Variants in VPS72 observed in about 807,000 individuals in gnomAD.
VPS72 encodes vacuolar protein sorting-associated protein 72 homolog.
In VPS72, 27 loss-of-function variants were observed where a neutral mutation model predicts 38.9. The ratio of observed to expected loss-of-function variants is 0.69; its 90% CI spans 0.51 to 0.96. The LOEUF is 0.96. VPS72 is among the 40% of genes least tolerant of loss of function. VPS72 has a pLI of 0.00. For missense variants in VPS72, 360 were observed against 479.5 expected, an observed-to-expected ratio of 0.75 and a Z score of 2.33; for synonymous variants, 173 against 186.3, an observed-to-expected ratio of 0.93 and a Z score of 0.58.
Position 151,181,246 on chromosome 1 carries a change from C to CTTT in VPS72, c.562+3068_562+3070dup, listed in dbSNP as rs60085121. ...CAACCTTCTTTTCCATGTCACTTTA[C>CTTT]TTTTTTTTTTTTTTTGAGTCTCACT... is the stretch of plus-strand genomic sequence containing the variant. On this transcript the variant is annotated intron_variant, in intron 4 of 5. Coordinates refer to ENST00000368892, the MANE Select transcript of VPS72 (RefSeq NM_005997.3). 4.4e-4 allele frequency among the ~76,000 whole-genome samples: 60 copies of CTTT among 136,014 alleles called. 1 individual carries two copies. The highest frequency in any genetic ancestry group is 7.8e-4 in the Non-Finnish European group (50 of 64,360). 89.2% of individuals were successfully genotyped at this position (136,014 alleles called of 152,430 possible). A position where few individuals can be genotyped will look rare whatever the true frequency, so the allele number is the denominator to read the frequency against.
chr1:151,188,880 G>T (rs373919843), intron 1 of VPS72, among the ~76,000 whole-genome samples: 9 of 152,116 alleles, frequency 5.9e-5, no homozygotes, highest in African/African-American at 2.2e-4. Flanking sequence ...GCCCAGGCTG[G>T]AGTGCAGTGG....
chr1:151,181,086 A>C (rs1684227465), intron 4 of VPS72, among the ~76,000 whole-genome samples: 1 of 152,106 alleles, frequency 6.6e-6, no homozygotes, highest in Non-Finnish European at 1.5e-5. Flanking sequence ...TCATTCACTG[A>C]AGACTTTGGC....
intron 3 of VPS72, 25 bp from the exon 4 acceptor site, chr1:151,184,518 A>C (rs1684306829): frequency 1.3e-6 from 2 of 1,563,400 alleles, no homozygotes; most frequent in Non-Finnish European, 1.7e-6. Context: ...GATAAGAAGA[A>C]ATCTTTGAAT....
intron 4 of VPS72, among the ~76,000 whole-genome samples, chr1:151,182,649 A>C (rs936985042): frequency 1.3e-5 from 2 of 151,866 alleles, no homozygotes; most frequent in Admixed American, 1.3e-4. Context: ...GTAATGTCTG[A>C]CCTCTATCTC....
intron 4 of VPS72, among the ~76,000 whole-genome samples, chr1:151,183,826 T>C (rs1214180696): frequency 6.6e-6 from 1 of 152,002 alleles, no homozygotes; most frequent in Non-Finnish European, 1.5e-5. Context: ...ATTTATCTCA[T>C]GAAGGACTAA....
At chr1:151,189,109 G>GT (rs1684408417) in intron 1 of VPS72, among the ~76,000 whole-genome samples, 1 of 152,156 alleles carries the variant, frequency 6.6e-6, no homozygotes, top group South Asian at 2.1e-4. Flanking sequence ...GATTACAGGC[G>GT]TGAGCCACTG....
Position 151,190,107 on chromosome 1 carries a change from C to T in VPS72, c.15G>A (p.Gly5=), listed in dbSNP as rs1414908066. 1.2e-6 allele frequency: 2 copies of T among 1,613,902 alleles called. No individual in the cohort carries two copies. Among genetic ancestry groups the T allele is most frequent in the South Asian group, 1.1e-5 (1 of 91,084 alleles). The change falls in exon 1 of 6, where the codon GGG becomes GGA. Residue 5 remains glycine (G), a synonymous_variant. Transcript: ENST00000368892. ...CAGCGGTCTTCCGGGGTGCCCGGCC[C>T]CCAGCCAAACTCATACCGCCTACCG... MSLA[G]GRAPRKTAGN...
intron 4 of VPS72, among the ~76,000 whole-genome samples, chr1:151,179,827 G>A (rs1003847418): frequency 2.6e-5 from 4 of 152,132 alleles, no homozygotes; most frequent in Non-Finnish European, 5.9e-5. Flanking sequence ...GGAGGCGGAG[G>A]TTGCGGTGCG....
rs778177154 is a variant in VPS72, at chr1:151,176,925, C to T, written c.814G>A (p.Ala272Thr). The T allele has an allele frequency of 6.2e-7, 1 of 1,613,738 alleles. No homozygotes were observed. Among genetic ancestry groups the T allele is most frequent in the Non-Finnish European group, 8.5e-7 (1 of 1,179,864 alleles). The change falls in exon 6 of 6, where the codon GCA becomes ACA. Residue 272 changes from alanine to threonine, a missense_variant. Physicochemically the swap from Ala to Thr is moderately conservative, Grantham distance 58 (BLOSUM62 0). Transcript: ENST00000368892. ...SRTFITFSDD[A>T]TFEEWFPQGR... ...TGGGGGAACCATTCCTCGAAAGTTG[C>T]ATCATCACTAAAAGTGATGAAGGTA... is the stretch of plus-strand genomic sequence containing the variant.
chr1:151,177,921 G>A (rs587621996), intron 5 of VPS72, 80 bp downstream of exon 5: 8 of 1,501,946 alleles, frequency 5.3e-6, no homozygotes, highest in South Asian at 3.7e-5. Context: ...AAGGAGAGCT[G>A]TGTGAGAAAA....
chr1:151,176,916 C>T lies in VPS72; in HGVS notation c.823G>A (p.Glu275Lys), dbSNP rs147304252. The change falls in exon 6 of 6, where the codon GAG (glutamate) becomes AAG (lysine). Residue 275 changes from glutamate (E) to lysine (K), a missense_variant. Glu to Lys is a moderately conservative substitution (Grantham distance 56). Transcript: ENST00000368892. The stretch of plus-strand genomic sequence containing the variant: ...GGCCGCCCTTGGGGGAACCATTCCT[C>T]GAAAGTTGCATCATCACTAAAAGTG... ...FITFSDDATF[E>K]EWFPQGRPPK... is the part of the protein sequence containing the mutation. 2.2e-5 allele frequency: 36 copies of T among 1,613,706 alleles called. No individual in the cohort carries two copies. Among genetic ancestry groups the T allele is most frequent in the African/African-American group, 2.7e-5 (2 of 74,866 alleles).
At chr1:151,188,541 C>A (rs1684398996) in intron 1 of VPS72, among the ~76,000 whole-genome samples, 1 of 152,236 alleles carries the variant, frequency 6.6e-6, no homozygotes, top group Admixed American at 6.5e-5. Flanking sequence ...AAGGATCTGG[C>A]CCATGCCTAC....
chr1:151,180,888 C>G (rs1466039831), intron 4 of VPS72, among the ~76,000 whole-genome samples: 1 of 152,234 alleles, frequency 6.6e-6, no homozygotes, highest in Non-Finnish European at 1.5e-5. Context: ...CACCACTCCT[C>G]TCTGCAGACC....
At chr1:151,181,031 A>G (rs1413418478) in intron 4 of VPS72, among the ~76,000 whole-genome samples, 1 of 152,126 alleles carries the variant, frequency 6.6e-6, no homozygotes, top group Admixed American at 6.5e-5. Context: ...GACCTGTGCC[A>G]AGAGTCTAGA....
intron 4 of VPS72, among the ~76,000 whole-genome samples, chr1:151,180,779 CGT>C (rs2101724074): frequency 6.6e-6 from 1 of 152,300 alleles, no homozygotes; most frequent in Non-Finnish European, 1.5e-5. Context: ...CTCTGGAACT[CGT>C]GCTCTGTAAT....
chr1:151,177,421 G>A (rs929859543), intron 5 of VPS72, among the ~76,000 whole-genome samples: 3 of 150,628 alleles, frequency 2.0e-5, no homozygotes, highest in East Asian at 2.0e-4. Flanking sequence ...AAGAAAGAAG[G>A]AAATCAGAGA....
At chr1:151,189,939 C>T in intron 1 of VPS72, 66 bp downstream of exon 1, 1 of 1,559,694 alleles carries the variant, frequency 6.4e-7, no homozygotes, top group Non-Finnish European at 8.8e-7. Context: ...CTTCTTTGTC[C>T]GGGGTTTCTC....
rs1466592224 is a variant in VPS72, at chr1:151,190,115, A to C, written c.7T>G (p.Leu3Val). 1.2e-6 allele frequency: 2 copies of C among 1,613,432 alleles called. No individual in the cohort carries two copies. Among genetic ancestry groups the C allele is most frequent in the African/African-American group, 1.3e-5 (1 of 74,870 alleles). ...TTCCGGGGTGCCCGGCCCCCAGCCA[A>C]ACTCATACCGCCTACCGAGACTGCG... MS[L>V]AGGRAPRKTA... Residue 3 changes from leucine to valine, a missense_variant, in exon 1 of 6, where the codon TTG becomes GTG. Around this residue, in one of 2 missense-constraint regions of VPS72, gnomAD observed 66 missense variants for 123.1 expected, o/e 0.54. Coordinates refer to ENST00000368892, the MANE Select transcript of VPS72 (RefSeq NM_005997.3).
chr1:151,180,626 C>T (rs1165247536), intron 4 of VPS72, among the ~76,000 whole-genome samples: 2 of 152,046 alleles, frequency 1.3e-5, no homozygotes, highest in East Asian at 1.9e-4. Flanking sequence ...TTAGTAGAGA[C>T]GGGGTTTCAC....
Sources: gnomAD v4.1 joint callset for allele counts (sites outside exome capture counted in the v4.1 genomes callset) on GRCh38, gnomAD v4.1.1 for gene constraint, gnomAD v4.1.1 regional missense constraint, MANE v1.5 for transcripts, NCBI Gene and HGNC (gene_info 2026-07-23, HGNC 2026-07-21) for gene names.